The following PAX5 variants were observed in gnomAD, a reference collection of about 807,000 sequenced individuals.
PAX5 encodes paired box 5, also known as paired box protein Pax-5.
In PAX5, 9 loss-of-function variants were observed where a neutral mutation model predicts 43.7. That is an observed-to-expected ratio of 0.21 (90% CI 0.12 to 0.36). PAX5 has a LOEUF of 0.36. Ranked by LOEUF, PAX5 falls within the 10% of genes least tolerant of loss-of-function variation. The pLI is 1.00. For synonymous variants in PAX5, 228 were observed against 214.3 expected (o/e 1.06, Z -0.56); for missense variants, 383 against 532.7 (o/e 0.72, Z 2.77).
intron 9 of PAX5, among the ~76,000 whole-genome samples, chr9:36,846,083 T>C (rs1301313890): frequency 6.6e-6 from 1 of 152,264 alleles, no homozygotes; most frequent in Non-Finnish European, 1.5e-5. Flanking sequence ...CTCTACTTCA[T>C]GTCCCAGAAC....
intron 8 of PAX5, among the ~76,000 whole-genome samples, chr9:36,873,932 G>T (rs754828316): frequency 6.6e-6 from 1 of 152,212 alleles, no homozygotes; most frequent in African/African-American, 2.4e-5. Flanking sequence ...CAGACCCAGA[G>T]AGTGGAAATG....
intron 6 of PAX5, among the ~76,000 whole-genome samples, chr9:36,938,117 C>T (rs935371673): frequency 2.6e-5 from 4 of 152,174 alleles, no homozygotes; most frequent in African/African-American, 9.7e-5. Flanking sequence ...AGCACAGCAA[C>T]GGTGGTGTTT....
chr9:36,963,158 G>A (rs1032711989), intron 6 of PAX5, among the ~76,000 whole-genome samples: 8 of 152,222 alleles, frequency 5.3e-5, no homozygotes, highest in Non-Finnish European at 1.0e-4. Context: ...TTACAGGGAG[G>A]TGAAGCAGAT....
chr9:36,990,312 G>C (rs150943659), intron 5 of PAX5, among the ~76,000 whole-genome samples: 1 of 152,316 alleles, frequency 6.6e-6, no homozygotes, highest in African/African-American at 2.4e-5. Context: ...GTCAGCACTA[G>C]AACTCGGGTT....
At chr9:36,942,086 G>A (rs1832099644) in intron 6 of PAX5, among the ~76,000 whole-genome samples, 1 of 152,242 alleles carries the variant, frequency 6.6e-6, no homozygotes, top group African/African-American at 2.4e-5. Flanking sequence ...GCTGATGGCT[G>A]AAACATGAAC....
intron 5 of PAX5, among the ~76,000 whole-genome samples, chr9:36,979,003 C>T (rs1349209641): frequency 6.6e-6 from 1 of 152,186 alleles, no homozygotes; most frequent in African/African-American, 2.4e-5. Context: ...GAACATCATG[C>T]TTTAACTCAT....
At chr9:37,006,818 A>T (rs1311977407) in intron 3 of PAX5, among the ~76,000 whole-genome samples, 1 of 152,236 alleles carries the variant, frequency 6.6e-6, no homozygotes, top group African/African-American at 2.4e-5. Flanking sequence ...TTCTGAAGAA[A>T]GAGGATGATG....
chr9:37,003,145 G>A (rs1838064786), intron 4 of PAX5, among the ~76,000 whole-genome samples: 2 of 112,764 alleles, frequency 1.8e-5, no homozygotes, highest in South Asian at 8.5e-4. Context: ...CCCACCAACA[G>A]TCAGTGCTTA....
chr9:36,899,122 TC>T (rs1828141674), intron 7 of PAX5, among the ~76,000 whole-genome samples: 1 of 152,092 alleles, frequency 6.6e-6, no homozygotes, highest in Non-Finnish European at 1.5e-5. Flanking sequence ...TGGCTTGCTT[TC>T]CCCCAACTCG....
chr9:36,991,982 C>T (rs1367188767), intron 5 of PAX5, among the ~76,000 whole-genome samples: 2 of 152,180 alleles, frequency 1.3e-5, no homozygotes, highest in Admixed American at 6.5e-5. Context: ...CTTGTTCTCC[C>T]TCTCCCACAG....
intron 3 of PAX5, among the ~76,000 whole-genome samples, chr9:37,009,923 T>C (rs1838786934): frequency 6.6e-6 from 1 of 152,154 alleles, no homozygotes; most frequent in African/African-American, 2.4e-5. Context: ...TAAGAATGCA[T>C]CAGGGTTGTC....
At chr9:36,939,848 TGCACGCTGGCGTCGTGTGGGC>T (rs1221011624) in intron 6 of PAX5, among the ~76,000 whole-genome samples, 2 of 151,918 alleles carry the variant, frequency 1.3e-5, no homozygotes, top group Non-Finnish European at 2.9e-5. Flanking sequence ...CGCGTGCGGG[TGCACGCTGGCGTCGTGTGGGC>T]GCAGCAGATT....
intron 6 of PAX5, among the ~76,000 whole-genome samples, chr9:36,947,208 T>C (rs7028177): frequency 0.29 from 44,335 of 152,030 alleles, 7,541 homozygotes; most frequent in African/African-American, 0.48. Flanking sequence ...ATCAGGCCCA[T>C]CACTGATCCT....
At chr9:37,009,666 A>G (rs1838761984) in intron 3 of PAX5, among the ~76,000 whole-genome samples, 1 of 152,196 alleles carries the variant, frequency 6.6e-6, no homozygotes, top group African/African-American at 2.4e-5. Context: ...TACATTTAAA[A>G]ATAACTAAAA....
At chr9:36,879,088 AC>A (rs1826170302) in intron 8 of PAX5, among the ~76,000 whole-genome samples, 1 of 152,050 alleles carries the variant, frequency 6.6e-6, no homozygotes, top group South Asian at 2.1e-4. Context: ...ACACTCGTGC[AC>A]CCTCCTCTGT....
intron 9 of PAX5, 116 bp downstream of exon 9, chr9:36,846,727 T>C: frequency 4.5e-6 from 3 of 671,608 alleles, no homozygotes; most frequent in Admixed American, 5.2e-5. Flanking sequence ...CTGGGCAAGC[T>C]ACCCACCCAC....
intron 6 of PAX5, among the ~76,000 whole-genome samples, chr9:36,940,174 C>G (rs548928763): frequency 1.3e-5 from 2 of 152,356 alleles, no homozygotes; most frequent in Admixed American, 6.5e-5. Context: ...GTTGGTCTCT[C>G]TCTCTCAATT....
chr9:36,916,353 T>A (rs1292029311), intron 7 of PAX5, among the ~76,000 whole-genome samples: 1 of 152,224 alleles, frequency 6.6e-6, no homozygotes, highest in Non-Finnish European at 1.5e-5. Flanking sequence ...TGTAGCTTTA[T>A]CAGATATTTT....
intron 5 of PAX5, among the ~76,000 whole-genome samples, chr9:36,982,784 C>T (rs1356540832): frequency 3.3e-5 from 5 of 152,128 alleles, no homozygotes; most frequent in Admixed American, 6.5e-5. Context: ...TCTGTGTCTC[C>T]GGGTCAGGTT....
Sources: gnomAD v4.1 joint callset for allele counts (sites outside exome capture counted in the v4.1 genomes callset) on GRCh38, gnomAD v4.1.1 for gene constraint, MANE v1.5 for transcripts, NCBI Gene and HGNC (gene_info 2026-07-23, HGNC 2026-07-21) for gene names.